The following RNF166 variants were observed in gnomAD, a reference collection of about 807,000 sequenced individuals.
RNF166 encodes the protein ring finger protein 166.
RNF166 carries 19 observed loss-of-function variants against 29.4 expected under a neutral mutation model. The observed-to-expected ratio is 0.65, with a 90% CI of 0.45 to 0.95. The LOEUF is 0.95. Ranked by LOEUF, RNF166 falls within the 40% of genes least tolerant of loss-of-function variation. The probability of loss-of-function intolerance (pLI) is 0.00; values close to 1 mark genes in which losing one functional copy is unlikely to be tolerated. For synonymous variants in RNF166, 171 were observed against 134.5 expected (o/e 1.27, Z -1.88); for missense variants, 347 against 322.1 (o/e 1.08, Z -0.59).
chr16:88,703,259 C>T lies in RNF166; in HGVS notation c.156-1841G>A, dbSNP rs1490518573. On this transcript the variant is annotated intron_variant, in intron 1 of 5. Coordinates refer to ENST00000312838, the MANE Select transcript of RNF166 (RefSeq NM_178841.4). ...TCTTCTAGAATTGCATCGATTGTTG[C>T]ATAATTGCAAACACACTGGAAACGA... is the stretch of plus-strand genomic sequence containing the variant. The T allele has an allele frequency of 3.1e-6, 3 of 967,496 alleles. No individual in the cohort carries two copies. The East Asian group carries it at 3.5e-4, about 112-fold the overall frequency. 59.9% of individuals were successfully genotyped at this position (967,496 alleles called of 1,614,324 possible). A position where few individuals can be genotyped will look rare whatever the true frequency, so the allele number is the denominator to read the frequency against.
At chr16:88,705,117 G>A (rs1174685190) in intron 1 of RNF166, among the ~76,000 whole-genome samples, 2 of 152,250 alleles carry the variant, frequency 1.3e-5, no homozygotes, top group Non-Finnish European at 2.9e-5. Context: ...AGCGTGGGCA[G>A]GCGCCTGTGC....
chr16:88,701,969 G>C (rs1910283943), intron 1 of RNF166, among the ~76,000 whole-genome samples: 1 of 152,202 alleles, frequency 6.6e-6, no homozygotes, highest in African/African-American at 2.4e-5. Context: ...ACCAGGCTTG[G>C]GACAGCTTCG....
chr16:88,697,903 G>A (rs1337769327), intron 5 of RNF166: 17 of 494,722 alleles, frequency 3.4e-5, no homozygotes, highest in East Asian at 2.5e-4. Flanking sequence ...CGGGGTTTCC[G>A]AGGTGAGCAG....
intron 1 of RNF166, among the ~76,000 whole-genome samples, chr16:88,705,135 C>T (rs572541946): frequency 1.3e-5 from 2 of 152,356 alleles, no homozygotes; most frequent in South Asian, 2.1e-4. Context: ...TGCTGCCTGA[C>T]ACAGGTAATG....
At position 88,697,979 on chromosome 16, in the gene RNF166, C is replaced by A. The variant is rs1176136285; in HGVS notation, c.649-346G>T. On this transcript the variant is annotated intron_variant, in intron 5 of 5. Transcript: ENST00000312838. ...AGGCAGGCGGAGCGTGGGTCCCGGACGACTGGCAGAGGGAGTGACAGCCAT... is the reference window on the plus strand; with the variant it reads ...AGGCAGGCGGAGCGTGGGTCCCGGAAGACTGGCAGAGGGAGTGACAGCCAT... 5 of 472,276 alleles carry A rather than the reference C, an allele frequency of 1.1e-5. No individual in the cohort carries two copies. In the Admixed American group the frequency reaches 1.9e-4, roughly 18 times the overall value. 29.3% of individuals were successfully genotyped at this position (472,276 alleles called of 1,614,324 possible).
At chr16:88,697,800 C>G in intron 5 of RNF166, 167 bp from the exon 6 acceptor site, 2 of 594,364 alleles carry the variant, frequency 3.4e-6, no homozygotes, top group Middle Eastern at 3.8e-4. Context: ...GCACGGTCCT[C>G]TGGGGGGTGA....
intron 4 of RNF166, 65 bp from the exon 5 acceptor site, chr16:88,698,674 TG>T: frequency 1.6e-6 from 2 of 1,262,974 alleles, no homozygotes. Flanking sequence ...GCAGTAGGAC[TG>T]GGGGCCCTCC....
At chr16:88,702,461 CA>C (rs1910346501) in intron 1 of RNF166, among the ~76,000 whole-genome samples, 1 of 152,224 alleles carries the variant, frequency 6.6e-6, no homozygotes, top group Non-Finnish European at 1.5e-5. Flanking sequence ...CCTGGGTTCA[CA>C]AACGACTCAG....
intron 1 of RNF166, chr16:88,703,858 C>T (rs987872814): frequency 2.0e-6 from 2 of 985,358 alleles, no homozygotes; most frequent in African/African-American, 3.5e-5. Context: ...AGGGATCTGC[C>T]TGGCTGGCAG....
At chr16:88,704,398 A>C in intron 1 of RNF166, 2 of 985,452 alleles carry the variant, frequency 2.0e-6, no homozygotes, top group Non-Finnish European at 2.4e-6. Context: ...CATTCTACCA[A>C]GAAAAGCATG....
rs1310001825 is a variant in RNF166 at position 88,703,395 on chromosome 16, T to C, written c.156-1977A>G. The C allele has an allele frequency of 3.0e-6, 3 of 984,996 alleles. No individual in the cohort carries two copies. The African/African-American group carries it at 5.3e-5, about 17-fold the overall frequency. The allele number at this position is 984,996 out of a possible 1,614,324, so 61.0% of individuals were successfully genotyped here. A position where few individuals can be genotyped will look rare whatever the true frequency, so the allele number is the denominator to read the frequency against. ...GAAGGAAAAGGGTCCCAGGCAGAGC[T>C]TGGGAAGAGAGGAAAGGTGCCCAGA... On this transcript the variant is annotated intron_variant, in intron 1 of 5. Transcript: ENST00000312838.
intron 5 of RNF166, 47 bp from the exon 6 acceptor site, chr16:88,697,680 G>A (rs149879151): frequency 5.7e-6 from 8 of 1,403,650 alleles, no homozygotes; most frequent in South Asian, 3.7e-5. Flanking sequence ...GAGACAGGAA[G>A]GAGAGGTCCC....
intron 1 of RNF166, 119 bp downstream of exon 1, chr16:88,706,052 G>A (rs1910763474): frequency 5.0e-6 from 3 of 597,290 alleles, no homozygotes; most frequent in Non-Finnish European, 6.3e-6. Flanking sequence ...CCGAGGCCCC[G>A]GCGCCCCGAG....
At chr16:88,698,673 C>A in intron 4 of RNF166, 64 bp from the exon 5 acceptor site, 7 of 1,265,780 alleles carry the variant, frequency 5.5e-6, no homozygotes, top group Non-Finnish European at 6.5e-6. Context: ...CGCAGTAGGA[C>A]TGGGGGCCCT....
intron 1 of RNF166, chr16:88,704,040 A>AGG (rs1910529144): frequency 1.0e-6 from 1 of 985,414 alleles, no homozygotes; most frequent in South Asian, 4.7e-5. Context: ...CTGGGCCCCC[A>AGG]GGGGGCCTCC....
chr16:88,700,823 C>T (rs1030322277), intron 2 of RNF166: 8 of 1,056,154 alleles, frequency 7.6e-6, no homozygotes, highest in Non-Finnish European at 9.2e-6. Flanking sequence ...ATCAGCCCGG[C>T]TCTGGCCCTC....
At chr16:88,700,152 C>G (rs1286377067) in intron 2 of RNF166, 1 of 159,992 alleles carries the variant, frequency 6.3e-6, no homozygotes. Flanking sequence ...GCGCCATCCT[C>G]CACCCACAGC....
Position 88,698,626 on chromosome 16 carries a change from G to C in RNF166, c.541-17C>G, listed in dbSNP as rs1335363951. 1.3e-6 allele frequency: 2 copies of C among 1,496,438 alleles called. No homozygotes were observed. The highest frequency in any genetic ancestry group is 1.4e-5 in the African/African-American group (1 of 72,214). The allele number at this position is 1,496,438 out of a possible 1,614,324, so 92.7% of individuals were successfully genotyped here. On this transcript the variant is annotated splice_polypyrimidine_tract_variant and intron_variant, in intron 4 of 5. Coordinates refer to ENST00000312838, the MANE Select transcript of RNF166 (RefSeq NM_178841.4). The stretch of plus-strand genomic sequence containing the variant: ...GGGGCACACCTGGAACAGGCACTGG[G>C]GTCAAGCCGAGCCGGACCGCGGAGA...
chr16:88,700,567 A>G, intron 2 of RNF166: 22 of 972,240 alleles, frequency 2.3e-5, no homozygotes, highest in Non-Finnish European at 2.7e-5. Context: ...GCTTCATAGA[A>G]CTTATTCACC....
Sources: gnomAD v4.1 joint callset for allele counts (sites outside exome capture counted in the v4.1 genomes callset) on GRCh38, gnomAD v4.1.1 for gene constraint, MANE v1.5 for transcripts, NCBI Gene and HGNC (gene_info 2026-07-23, HGNC 2026-07-21) for gene names.